The following VPS13B variants were observed in gnomAD, a reference collection of about 807,000 sequenced individuals.
VPS13B encodes intermembrane lipid transfer protein VPS13B.
VPS13B carries 285 observed loss-of-function variants against 426.4 expected under a neutral mutation model. The ratio of observed to expected loss-of-function variants is 0.67; its 90% confidence interval spans 0.61 to 0.74. The LOEUF is 0.74. Among genes scored for constraint, VPS13B ranks in the 30% least tolerant of loss-of-function variants. The pLI is 0.00. For missense variants in VPS13B, 4,537 were observed against 4,782.6 expected, an observed-to-expected ratio of 0.95 and a Z score of 1.51; for synonymous variants, 1,676 against 1,676.4, an observed-to-expected ratio of 1.00 and a Z score of 0.01.
chr8:99,735,041 T>C (rs552715872), intron 39 of VPS13B, among the ~76,000 whole-genome samples: 3 of 152,304 alleles, frequency 2.0e-5, no homozygotes, highest in Non-Finnish European at 4.4e-5. Flanking sequence ...CCACTAGAAG[T>C]TTGGACATGT....
At chr8:99,442,331 C>T (rs751569002) in intron 22 of VPS13B, 70 bp from the exon 23 acceptor site, 55 of 1,338,378 alleles carry the variant, frequency 4.1e-5, no homozygotes, top group Middle Eastern at 1.8e-4. Flanking sequence ...TTTATTCTGG[C>T]GAAGATGTTA....
At chr8:99,358,688 A>G (rs994602744) in intron 19 of VPS13B, among the ~76,000 whole-genome samples, 2 of 152,232 alleles carry the variant, frequency 1.3e-5, no homozygotes, top group Non-Finnish European at 2.9e-5. Context: ...ACTTTAGGAC[A>G]CATCTGAAGA....
chr8:99,661,997 T>C (rs1197428818), intron 35 of VPS13B, among the ~76,000 whole-genome samples: 8 of 152,294 alleles, frequency 5.3e-5, no homozygotes, highest in African/African-American at 1.9e-4. Flanking sequence ...TAGATACAGA[T>C]ATCAAAAATT....
At chr8:99,571,074 C>A (rs1825450774) in intron 31 of VPS13B, among the ~76,000 whole-genome samples, 1 of 152,130 alleles carries the variant, frequency 6.6e-6, no homozygotes, top group Non-Finnish European at 1.5e-5. Flanking sequence ...TCAGGGGCCC[C>A]AGATCTAGGT....
At chr8:99,381,930 T>C (rs1008826586) in intron 19 of VPS13B, among the ~76,000 whole-genome samples, 2 of 152,204 alleles carry the variant, frequency 1.3e-5, no homozygotes, top group African/African-American at 2.4e-5. Context: ...AATGATTATC[T>C]ACATTGTCTT....
intron 2 of VPS13B, among the ~76,000 whole-genome samples, chr8:99,014,672 G>T (rs556304305): frequency 9.4e-4 from 140 of 149,038 alleles, no homozygotes; most frequent in African/African-American, 3.2e-3. Flanking sequence ...GCTGGCTTGT[G>T]GGGGTCGAGG....
chr8:99,340,367 A>G (rs1811175062), intron 19 of VPS13B: 1 of 408,884 alleles, frequency 2.4e-6, no homozygotes, highest in African/African-American at 2.1e-5. Flanking sequence ...ACATAAGCCA[A>G]CTCTGGGAAG....
intron 23 of VPS13B, among the ~76,000 whole-genome samples, chr8:99,452,918 C>A (rs1214839580): frequency 2.6e-5 from 4 of 152,200 alleles, no homozygotes; most frequent in African/African-American, 7.2e-5. Flanking sequence ...GTGAGCCTTG[C>A]AGATGTAATT....
intron 17 of VPS13B, among the ~76,000 whole-genome samples, chr8:99,242,193 G>A (rs1816967701): frequency 6.6e-6 from 1 of 152,106 alleles, no homozygotes; most frequent in Non-Finnish European, 1.5e-5. Flanking sequence ...ATGTTGGCCA[G>A]GGTGGTCTCA....
Position 99,766,794 on chromosome 8 carries a change from C to T in VPS13B, c.7071C>T (p.Tyr2357=), listed in dbSNP as rs764546538. The T allele has an allele frequency of 1.2e-6, 2 of 1,613,786 alleles. No individual in the cohort carries two copies. Among genetic ancestry groups the T allele is most frequent in the Admixed American group, 3.3e-5 (2 of 60,000 alleles). ...DVLQVPCSLE[Y]WDELQKVFVA... ...CATAGGTTCCTTGTAGCTTGGAATA[C>T]TGGGATGAACTCCAGAAGGTTTTTG... The change falls in exon 40 of 62, where the codon TAC becomes TAT. Residue 2357 remains tyrosine, a synonymous_variant. Coordinates refer to ENST00000357162, the MANE Select transcript of VPS13B (RefSeq NM_152564.5).
At chr8:99,414,540 T>C (rs1349497584) in intron 21 of VPS13B, among the ~76,000 whole-genome samples, 1 of 152,224 alleles carries the variant, frequency 6.6e-6, no homozygotes, top group Non-Finnish European at 1.5e-5. Context: ...TTGGTATGTT[T>C]TTGCAGTGGC....
chr8:99,783,966 T>G (rs1434349084), intron 42 of VPS13B, among the ~76,000 whole-genome samples: 32 of 152,200 alleles, frequency 2.1e-4, no homozygotes, highest in Non-Finnish European at 2.9e-5. Context: ...CCTCCAGTAC[T>G]CTGCTCAAAA....
chr8:99,786,561 T>A (rs1812276204), intron 43 of VPS13B, among the ~76,000 whole-genome samples: 1 of 152,106 alleles, frequency 6.6e-6, no homozygotes, highest in African/African-American at 2.4e-5. Context: ...AGTCCAAGTA[T>A]GAACCCTTGC....
At chr8:99,582,724 C>T (rs901186096) in intron 33 of VPS13B, among the ~76,000 whole-genome samples, 12 of 152,178 alleles carry the variant, frequency 7.9e-5, no homozygotes, top group African/African-American at 1.9e-4. Flanking sequence ...GGCGCAATCT[C>T]GGCTCACTGC....
At chr8:99,054,265 G>A (rs1041107490) in intron 3 of VPS13B, among the ~76,000 whole-genome samples, 4 of 152,172 alleles carry the variant, frequency 2.6e-5, no homozygotes, top group Non-Finnish European at 5.9e-5. Context: ...GTTTTCTACA[G>A]TGGCTGTACC....
rs1470552723 is a variant in VPS13B, at chr8:99,013,634, TTC to T, written c.-29-122_-29-121del. 109 of 817,948 alleles carry T rather than the reference TTC, an allele frequency of 1.3e-4. No homozygotes were observed. In the East Asian group the frequency reaches 2.0e-3, roughly 15 times the overall value. The allele number at this position is 817,948 out of a possible 1,614,324, so 50.7% of individuals were successfully genotyped here. A position where few individuals can be genotyped will look rare whatever the true frequency, so the allele number is the denominator to read the frequency against. Reference sequence around the variant, plus strand: ...TGGAGCTGGGAGTCCGCTGGAGTTTTTCTCTGTTTCTAAGAGGAGGCGAACGG... The same window carrying T: ...TGGAGCTGGGAGTCCGCTGGAGTTTTTCTGTTTCTAAGAGGAGGCGAACGG... On this transcript the variant is annotated intron_variant, in intron 1 of 61. Transcript: ENST00000357162.
At chr8:99,029,815 G>GGGAGAC (rs1399216152) in intron 2 of VPS13B, among the ~76,000 whole-genome samples, 1 of 135,560 alleles carries the variant, frequency 7.4e-6, no homozygotes, top group African/African-American at 2.8e-5. Flanking sequence ...GAGACGGAGA[G>GGGAGAC]GGAGAGGGAG....
chr8:99,558,799 C>T (rs1588493692), intron 31 of VPS13B, among the ~76,000 whole-genome samples: 1 of 152,172 alleles, frequency 6.6e-6, no homozygotes, highest in Non-Finnish European at 1.5e-5. Context: ...TTTCTTAATC[C>T]AGTCTATCAT....
At chr8:99,196,643 T>C (rs1365508096) in intron 17 of VPS13B, among the ~76,000 whole-genome samples, 2 of 152,054 alleles carry the variant, frequency 1.3e-5, no homozygotes, top group Non-Finnish European at 2.9e-5. Flanking sequence ...TTCACCATGT[T>C]GGTCAGGCTG....
Sources: allele counts gnomAD v4.1 joint callset (sites outside exome capture counted in the v4.1 genomes callset), GRCh38; gene constraint gnomAD v4.1.1; transcripts MANE v1.5; gene names NCBI Gene and HGNC (gene_info 2026-07-23, HGNC 2026-07-21).